Variants in MAGI2 observed in about 807,000 individuals in gnomAD.
MAGI2 encodes membrane-associated guanylate kinase, WW and PDZ domain-containing protein 2.
In MAGI2, 35 loss-of-function variants were observed where a neutral mutation model predicts 133.3. The ratio of observed to expected loss-of-function variants is 0.26; its 90% CI spans 0.20 to 0.35. The LOEUF is 0.35. MAGI2 is among the 10% of genes least tolerant of loss of function. The pLI is 1.00. For missense variants in MAGI2, 1,636 were observed against 1,863.4 expected, an observed-to-expected ratio of 0.88 and a Z score of 2.25; for synonymous variants, 729 against 710.6, an observed-to-expected ratio of 1.03 and a Z score of -0.41.
At chr7:78,022,785 A>G (rs1381920206) in intron 21 of MAGI2, among the ~76,000 whole-genome samples, 2 of 152,150 alleles carry the variant, frequency 1.3e-5, no homozygotes, top group South Asian at 2.1e-4. Flanking sequence ...TCAGGGAGAC[A>G]CTCTTTTCTT....
chr7:78,589,265 T>A (rs1026472180), intron 3 of MAGI2, among the ~76,000 whole-genome samples: 4 of 152,186 alleles, frequency 2.6e-5, no homozygotes, highest in Non-Finnish European at 5.9e-5. Context: ...AGGCACTAAC[T>A]AATGTAAGAA....
chr7:79,118,767 C>G (rs1247256160), intron 1 of MAGI2, among the ~76,000 whole-genome samples: 2 of 152,102 alleles, frequency 1.3e-5, no homozygotes, highest in African/African-American at 4.8e-5. Context: ...TGACCTCCTC[C>G]CTGATTCCAC....
intron 2 of MAGI2, among the ~76,000 whole-genome samples, chr7:78,627,624 G>T (rs898148367): frequency 1.8e-4 from 27 of 152,272 alleles, no homozygotes; most frequent in African/African-American, 6.5e-4. Flanking sequence ...AGACTGCTGT[G>T]CTATGACATA....
chr7:78,840,513 G>A lies in MAGI2; in HGVS notation c.418+166577C>T, dbSNP rs942459751. On this transcript the variant is annotated intron_variant, in intron 2 of 21. Coordinates refer to ENST00000354212, the MANE Select transcript of MAGI2 (RefSeq NM_012301.4). The stretch of plus-strand genomic sequence containing the variant: ...CAGGTGATACTGATGCTGCCAACCT[G>A]CTGACCACACTTTATGTGGAGTCCA... 4.6e-5 allele frequency among the ~76,000 whole-genome samples: 7 copies of A among 152,014 alleles called. No individual in the cohort carries two copies. In the East Asian group the frequency reaches 1.4e-3, roughly 29 times the overall value.
At chr7:78,933,582 G>T (rs981264651) in intron 2 of MAGI2, among the ~76,000 whole-genome samples, 4 of 152,118 alleles carry the variant, frequency 2.6e-5, no homozygotes, top group Non-Finnish European at 5.9e-5. Flanking sequence ...TTTCTGTAAT[G>T]AGGTTCCAGC....
intron 1 of MAGI2, among the ~76,000 whole-genome samples, chr7:79,446,672 T>G (rs1848873354): frequency 6.6e-6 from 1 of 152,120 alleles, no homozygotes; most frequent in Non-Finnish European, 1.5e-5. Flanking sequence ...CAATGGGGGT[T>G]GGGCGCAGTG....
intron 2 of MAGI2, among the ~76,000 whole-genome samples, chr7:78,798,367 T>C (rs942452363): frequency 6.6e-6 from 1 of 152,154 alleles, no homozygotes; most frequent in Admixed American, 6.6e-5. Context: ...TATAAGTTAT[T>C]CTTATCATGT....
At chr7:78,530,368 A>T (rs142678965) in intron 3 of MAGI2, among the ~76,000 whole-genome samples, 72 of 152,262 alleles carry the variant, frequency 4.7e-4, no homozygotes, top group African/African-American at 1.7e-3. Flanking sequence ...TTATCACTTT[A>T]TCTTGTCTTA....
At chr7:79,127,435 A>G (rs1489008084) in intron 1 of MAGI2, among the ~76,000 whole-genome samples, 2 of 151,916 alleles carry the variant, frequency 1.3e-5, no homozygotes, top group Non-Finnish European at 2.9e-5. Flanking sequence ...AAGTGTTCCT[A>G]TTTCTCCACA....
intron 3 of MAGI2, among the ~76,000 whole-genome samples, chr7:78,533,648 G>A (rs985817092): frequency 1.3e-5 from 2 of 152,136 alleles, no homozygotes; most frequent in Non-Finnish European, 2.9e-5. Flanking sequence ...GAGATGTGCT[G>A]TAAATATAAA....
intron 3 of MAGI2, among the ~76,000 whole-genome samples, chr7:78,543,064 T>G (rs1798543695): frequency 6.6e-6 from 1 of 152,168 alleles, no homozygotes; most frequent in Admixed American, 6.5e-5. Context: ...GATTGCAGAT[T>G]AAAACCAATT....
chr7:78,719,271 C>T (rs1253786697), intron 2 of MAGI2, among the ~76,000 whole-genome samples: 2 of 152,060 alleles, frequency 1.3e-5, no homozygotes, highest in African/African-American at 4.8e-5. Flanking sequence ...CAATTGAAGT[C>T]TTACAAATAC....
At chr7:78,160,350 G>A in intron 15 of MAGI2, 77 bp from the exon 16 acceptor site, 1 of 1,385,516 alleles carries the variant, frequency 7.2e-7, no homozygotes, top group Non-Finnish European at 9.6e-7. Context: ...ACTAGGCACT[G>A]TTCTAGACAG....
chr7:78,756,174 C>A (rs1585305668), intron 2 of MAGI2, among the ~76,000 whole-genome samples: 2 of 152,272 alleles, frequency 1.3e-5, no homozygotes, highest in South Asian at 4.1e-4. Flanking sequence ...AGCTCAACTA[C>A]CCCTGAAGGA....
At chr7:79,149,200 T>G (rs1048914831) in intron 1 of MAGI2, among the ~76,000 whole-genome samples, 32 of 148,672 alleles carry the variant, frequency 2.2e-4, no homozygotes, top group Admixed American at 5.5e-4. Flanking sequence ...CTTATATATA[T>G]AGAGCGAGAG....
At chr7:79,177,289 A>G (rs764645051) in intron 1 of MAGI2, 2 of 133,842 alleles carry the variant, frequency 1.5e-5, no homozygotes, top group African/African-American at 3.4e-5. Flanking sequence ...TTCGTGTTTA[A>G]AAACACTATG....
chr7:78,546,272 T>A (rs370944759), intron 3 of MAGI2, among the ~76,000 whole-genome samples: 1 of 152,302 alleles, frequency 6.6e-6, no homozygotes, highest in East Asian at 1.9e-4. Context: ...TGCTACTACT[T>A]CTAGTACCTC....
intron 13 of MAGI2, among the ~76,000 whole-genome samples, chr7:78,183,284 T>G (rs1827365234): frequency 6.6e-6 from 1 of 150,694 alleles, no homozygotes; most frequent in African/African-American, 2.4e-5. Flanking sequence ...TTTTTTTTTT[T>G]GAGATGGAGT....
chr7:79,141,037 A>T (rs1473672327), intron 1 of MAGI2, among the ~76,000 whole-genome samples: 1 of 152,184 alleles, frequency 6.6e-6, no homozygotes, highest in African/African-American at 2.4e-5. Flanking sequence ...CAAACTGTCT[A>T]ATCCTTTCAG....
Sources: gnomAD v4.1 joint callset for allele counts (sites outside exome capture counted in the v4.1 genomes callset) on GRCh38, gnomAD v4.1.1 for gene constraint, MANE v1.5 for transcripts, NCBI Gene and HGNC (gene_info 2026-07-23, HGNC 2026-07-21) for gene names.